TPO: variants seen among roughly 807,000 people sequenced by gnomAD.
The protein encoded by TPO is thyroid microsomal antigen.
TPO carries 78 observed loss-of-function variants against 96.9 expected under a neutral mutation model. The ratio of observed to expected loss-of-function variants is 0.81; its 90% CI spans 0.67 to 0.97. The LOEUF is 0.97. Ranked by LOEUF, TPO falls within the 50% of genes least tolerant of loss-of-function variation. The pLI, the probability that TPO is intolerant of heterozygous loss-of-function variation, is 0.00. For missense variants in TPO, 1,252 were observed against 1,274.8 expected, an observed-to-expected ratio of 0.98 and a Z score of 0.27; for synonymous variants, 547 against 538.0, an observed-to-expected ratio of 1.02 and a Z score of -0.23.
At chr2:1,534,523 T>TC in intron 15 of TPO, among the ~76,000 whole-genome samples, 1 of 14,076 alleles carries the variant, frequency 7.1e-5, no homozygotes. Context: ...CCCAAATCCC[T>TC]CCCACTCTGT....
In TPO at chr2:1,475,044, C is replaced by T. The variant is rs78852298; in HGVS notation, c.820-2042C>T. The stretch of plus-strand genomic sequence containing the variant: ...AGCACAGATTTTCTTCTGAGGAAGG[C>T]TTTGCTGGTGTGCTTGAATTTTCTT... On this transcript the variant is annotated intron_variant, in intron 7 of 16. Transcript: ENST00000329066. Among the ~76,000 whole-genome samples the T allele has an allele frequency of 5.0e-3, 760 of 152,298 alleles. 12 individuals carry two copies. The highest frequency in any genetic ancestry group is 0.018 in the African/African-American group (736 of 41,554).
At position 1,462,771 on chromosome 2, in the gene TPO, A is replaced by C. The variant is rs550003283; in HGVS notation, c.819+6489A>C. Among the ~76,000 whole-genome samples, 28 of 152,348 alleles carry C rather than the reference A, an allele frequency of 1.8e-4. No individual in the cohort carries two copies. The South Asian group carries it at 5.6e-3, about 30-fold the overall frequency. On this transcript the variant is annotated intron_variant, in intron 7 of 16. Transcript: ENST00000329066. ...CACCACAAGAATCTTCCCTAGGGACAATGTCCAAACTGCCCTTAAAAGTGG... is the reference window on the plus strand; with the variant it reads ...CACCACAAGAATCTTCCCTAGGGACCATGTCCAAACTGCCCTTAAAAGTGG...
chr2:1,482,830 C>T (rs1382747369), intron 8 of TPO, among the ~76,000 whole-genome samples: 3 of 152,150 alleles, frequency 2.0e-5, no homozygotes, highest in Non-Finnish European at 4.4e-5. Flanking sequence ...TACACCACCA[C>T]ACCTGGCTAA....
chr2:1,517,006 T>TTA, intron 15 of TPO, 24 bp downstream of exon 15: 1 of 1,609,842 alleles, frequency 6.2e-7, no homozygotes, highest in Non-Finnish European at 8.5e-7. Context: ...TTTTTGACTG[T>TTA]TACTTAGACA....
chr2:1,467,241 T>C (rs182173061), intron 7 of TPO, among the ~76,000 whole-genome samples: 31 of 152,080 alleles, frequency 2.0e-4, no homozygotes, highest in African/African-American at 7.2e-4. Context: ...GTAGCTGGGA[T>C]TATAGGCATC....
At chr2:1,463,018 ATTATCTTT>A in intron 7 of TPO, among the ~76,000 whole-genome samples, 1 of 152,372 alleles carries the variant, frequency 6.6e-6, no homozygotes, top group Admixed American at 6.5e-5. Context: ...TTGAGCATAT[ATTATCTTT>A]GTACTTAGAG....
intron 14 of TPO, chr2:1,513,662 T>A (rs1471011982): frequency 6.6e-6 from 1 of 152,216 alleles, no homozygotes; most frequent in East Asian, 1.9e-4. Flanking sequence ...TTTGTAGATG[T>A]AGTTACGTAG....
At chr2:1,528,805 C>G (rs1677262088) in intron 15 of TPO, among the ~76,000 whole-genome samples, 1 of 144,184 alleles carries the variant, frequency 6.9e-6, no homozygotes, top group African/African-American at 2.7e-5. Context: ...CCAATCCCCC[C>G]ACTGTGAGCA....
At chr2:1,398,100 A>T (rs1018735427) in intron 1 of TPO, among the ~76,000 whole-genome samples, 2 of 152,252 alleles carry the variant, frequency 1.3e-5, no homozygotes, top group African/African-American at 4.8e-5. Flanking sequence ...AACTCCAAGA[A>T]AAACCAGGCA....
chr2:1,461,785 T>C lies in TPO; in HGVS notation c.819+5503T>C, dbSNP rs183019236. Among the ~76,000 whole-genome samples the C allele has an allele frequency of 3.7e-3, 565 of 152,174 alleles. 1 individual carries two copies. The highest frequency in any genetic ancestry group is 0.013 in the African/African-American group (532 of 41,540). On this transcript the variant is annotated intron_variant, in intron 7 of 16. Coordinates refer to ENST00000329066, the MANE Select transcript of TPO (RefSeq NM_001206744.2). ...CACACACACCTGCACACACCTCACA[T>C]GCACACAGCTGCTCCAGGATCCTTC...
intron 7 of TPO, among the ~76,000 whole-genome samples, chr2:1,465,252 G>A (rs185482974): frequency 6.6e-6 from 1 of 152,276 alleles, no homozygotes; most frequent in East Asian, 1.9e-4. Flanking sequence ...TATTCCATTG[G>A]TCTATGTGCT....
intron 15 of TPO, 34 bp from the exon 16 acceptor site, chr2:1,540,560 C>A: frequency 6.2e-7 from 1 of 1,610,876 alleles, no homozygotes; most frequent in Non-Finnish European, 8.5e-7. Context: ...GGTGCCGGAC[C>A]CTCTCCCGAT....
chr2:1,495,734 G>A (rs1672257337), intron 11 of TPO, among the ~76,000 whole-genome samples: 1 of 152,000 alleles, frequency 6.6e-6, no homozygotes, highest in South Asian at 2.1e-4. Context: ...AGGGGTCTGG[G>A]CAGACGCCAC....
In TPO at chr2:1,487,630, G is replaced by A. The variant is rs550606944; in HGVS notation, c.1598-191G>A. 5.8e-4 allele frequency among the ~76,000 whole-genome samples: 88 copies of A among 152,232 alleles called. No homozygotes were observed. The East Asian group carries it at 8.1e-3, about 14-fold the overall frequency. ...CGGGCGCCTGTAGTCCCAATTACTC[G>A]GGAGGCTGAGGCAGGAGCATGGCGT... On this transcript the variant is annotated intron_variant, in intron 9 of 16. Transcript: ENST00000329066.
intron 1 of TPO, among the ~76,000 whole-genome samples, chr2:1,380,117 A>G (rs973705015): frequency 3.9e-5 from 6 of 152,172 alleles, no homozygotes; most frequent in Admixed American, 1.3e-4. Context: ...TTTATTGGCC[A>G]GGTGCGGTGG....
At chr2:1,411,041 C>T (rs568736510), upstream of TPO, among the ~76,000 whole-genome samples, 10 of 151,984 alleles carry the variant, frequency 6.6e-5, no homozygotes, top group Non-Finnish European at 1.2e-4. Context: ...GGGTTTTCCA[C>T]GTCCCCCTGC....
intron 15 of TPO, among the ~76,000 whole-genome samples, chr2:1,523,946 T>C (rs1177614635): frequency 1.5e-5 from 1 of 66,112 alleles, no homozygotes; most frequent in African/African-American, 6.5e-5. Context: ...GTGTGCAACC[T>C]TCCCAAATCC....
At chr2:1,406,044 A>G (rs1239104491) in intron 1 of TPO, among the ~76,000 whole-genome samples, 3 of 152,212 alleles carry the variant, frequency 2.0e-5, no homozygotes, top group Non-Finnish European at 4.4e-5. Flanking sequence ...TTGTTTCCCT[A>G]AATTGATTGA....
Position 1,484,662 on chromosome 2 carries a change from C to A in TPO, c.1405C>A (p.Pro469Thr). The change falls in exon 9 of 17, where the codon CCC becomes ACC. Residue 469 changes from proline to threonine, a missense_variant. Physicochemically the swap from Pro to Thr is conservative, Grantham distance 38. Coordinates refer to ENST00000329066, the MANE Select transcript of TPO (RefSeq NM_001206744.2). ...GPEAFQQYVG[P>T]YEGYDSTANP... ...CGAGGCCTTCCAGCAGTACGTGGGT[C>A]CCTATGAAGGCTATGACTCCACCGC... is the stretch of plus-strand genomic sequence containing the variant. 6.2e-7 allele frequency: 1 copy of A among 1,614,126 alleles called. No homozygotes were observed. Among genetic ancestry groups the A allele is most frequent in the African/African-American group, 1.3e-5 (1 of 75,018 alleles).
Sources: allele counts gnomAD v4.1 joint callset (sites outside exome capture counted in the v4.1 genomes callset), GRCh38; gene constraint gnomAD v4.1.1; transcripts MANE v1.5; gene names NCBI Gene and HGNC (gene_info 2026-07-23, HGNC 2026-07-21).